Variants in MTHFD1L observed in about 807,000 individuals in gnomAD.
MTHFD1L encodes methylenetetrahydrofolate dehydrogenase (NADP+ dependent) 1 like.
A neutral mutation model predicts 119.5 loss-of-function variants in MTHFD1L; 81 were observed. The ratio of observed to expected loss-of-function variants is 0.68; its 90% CI spans 0.57 to 0.82. MTHFD1L has a LOEUF of 0.82. MTHFD1L is among the 40% of genes least tolerant of loss of function. The probability of loss-of-function intolerance (pLI) is 0.00; values close to 1 mark genes in which losing one functional copy is unlikely to be tolerated. For missense variants in MTHFD1L, 1,125 were observed against 1,253.4 expected (o/e 0.90, Z 1.55); for synonymous variants, 430 against 475.2 (o/e 0.90, Z 1.24).
At position 150,926,309 on chromosome 6, in the gene MTHFD1L, T is replaced by C. The variant is rs2128909368; in HGVS notation, c.1256+14T>C. The C allele has an allele frequency of 6.3e-7, 1 of 1,598,796 alleles. No homozygotes were observed. The highest frequency in any genetic ancestry group is 1.1e-5 in the South Asian group (1 of 90,074). On this transcript the variant is annotated intron_variant, in intron 11 of 27. Coordinates refer to ENST00000367321, the MANE Select transcript of MTHFD1L (RefSeq NM_015440.5). The surrounding 1 kb of genome is among the most constrained non-coding windows in gnomAD (Gnocchi z 4.3). ...CTTAGTTGCTGGGTAAGACACCATC[T>C]AACATCTACTTGATCAAGCAGACAT... is the stretch of plus-strand genomic sequence containing the variant.
chr6:150,904,012 T>G (rs1479404627), intron 7 of MTHFD1L, among the ~76,000 whole-genome samples: 1 of 152,244 alleles, frequency 6.6e-6, no homozygotes, highest in East Asian at 1.9e-4. Flanking sequence ...GTCCTTGATC[T>G]TGGCTTTTCT....
intron 17 of MTHFD1L, among the ~76,000 whole-genome samples, chr6:150,957,745 A>G (rs1795847427): frequency 6.6e-6 from 1 of 152,210 alleles, no homozygotes; most frequent in South Asian, 2.1e-4. Context: ...AAAGGTTGTA[A>G]AAACCATTTT....
intron 19 of MTHFD1L, among the ~76,000 whole-genome samples, chr6:150,970,207 A>T (rs778048410): frequency 1.3e-5 from 2 of 152,196 alleles, no homozygotes; most frequent in African/African-American, 2.4e-5. Flanking sequence ...GTTTAAGAAT[A>T]TTGATTGATT....
At chr6:151,038,862 C>T (rs1431021601) in intron 26 of MTHFD1L, among the ~76,000 whole-genome samples, 1 of 152,022 alleles carries the variant, frequency 6.6e-6, no homozygotes, top group East Asian at 1.9e-4. Flanking sequence ...TGCCATCGGT[C>T]ATGGAAAGGA....
In MTHFD1L at chr6:151,039,113, C is replaced by G. The variant is rs1786653123; in HGVS notation, c.2847+1996C>G. On this transcript the variant is annotated intron_variant, in intron 26 of 27. Transcript: ENST00000367321. The surrounding 1 kb of genome is among the most constrained non-coding windows in gnomAD (Gnocchi z 4.4). The stretch of plus-strand genomic sequence containing the variant: ...GAGAAGACAGTGAAGGAAGACACCC[C>G]TGAAACACCCACGTTAATGCAGCCG... Among the ~76,000 whole-genome samples, 1 of 152,154 alleles carries G rather than the reference C, an allele frequency of 6.6e-6. No homozygotes were observed.
chr6:151,052,600 A>G (rs1231772353), intron 26 of MTHFD1L, among the ~76,000 whole-genome samples: 1 of 152,190 alleles, frequency 6.6e-6, no homozygotes, highest in Non-Finnish European at 1.5e-5. Flanking sequence ...AGCGCCTTAG[A>G]GGCTGCCGCT....
At chr6:150,950,071 A>G (rs1794622876) in intron 16 of MTHFD1L, among the ~76,000 whole-genome samples, 2 of 152,142 alleles carry the variant, frequency 1.3e-5, no homozygotes, top group Non-Finnish European at 2.9e-5. Context: ...GCAGTTCCCG[A>G]CTAATAGATT....
intron 1 of MTHFD1L, among the ~76,000 whole-genome samples, chr6:150,866,838 C>G (rs1324719047): frequency 6.6e-6 from 1 of 152,170 alleles, no homozygotes; most frequent in Non-Finnish European, 1.5e-5. Context: ...TCCCCGCCCT[C>G]GCCCAGAGGG....
intron 7 of MTHFD1L, among the ~76,000 whole-genome samples, chr6:150,901,102 CTT>C (rs1316324586): frequency 2.0e-5 from 3 of 152,100 alleles, no homozygotes; most frequent in Admixed American, 1.3e-4. Flanking sequence ...ACATCTAACT[CTT>C]TATAGAAACT....
At chr6:150,905,581 A>T in intron 7 of MTHFD1L, 69 bp from the exon 8 acceptor site, 1 of 1,104,892 alleles carries the variant, frequency 9.1e-7, no homozygotes, top group Non-Finnish European at 1.4e-6. Flanking sequence ...AACTCATTTG[A>T]CATCAGTAGT....
In MTHFD1L at chr6:150,923,544, C is replaced by CTTT. The variant is rs61415562; in HGVS notation, c.1082+1260_1082+1262dup. On this transcript the variant is annotated intron_variant, in intron 10 of 27. Transcript: ENST00000367321. ...TTATTTATTTATTTATTTATTTTTT[C>CTTT]TTTTTTTTTTTTTTTTTTTTGAGAC... 4.8e-3 allele frequency among the ~76,000 whole-genome samples: 254 copies of CTTT among 53,236 alleles called. 8 individuals carry two copies. Among genetic ancestry groups the CTTT allele is most frequent in the African/African-American group, 0.015 (244 of 16,808 alleles). 34.9% of individuals were successfully genotyped at this position (53,236 alleles called of 152,430 possible).
chr6:151,081,161 A>G (rs1400129055), intron 26 of MTHFD1L, among the ~76,000 whole-genome samples: 1 of 152,222 alleles, frequency 6.6e-6, no homozygotes, highest in Non-Finnish European at 1.5e-5. Context: ...TTACAGAACA[A>G]TATAGGCCTC....
Position 150,959,883 on chromosome 6 carries a change from C to T in MTHFD1L, c.1804-392C>T, listed in dbSNP as rs116955186. Among the ~76,000 whole-genome samples the T allele has an allele frequency of 1.8e-4, 27 of 152,300 alleles. No individual in the cohort carries two copies. In the East Asian group the frequency reaches 4.8e-3, roughly 27 times the overall value. On this transcript the variant is annotated intron_variant, in intron 17 of 27. Coordinates refer to ENST00000367321, the MANE Select transcript of MTHFD1L (RefSeq NM_015440.5). ...TGAACCTGCCTAATATAGTCCCTGC[C>T]GTCATGGCACTTACGGTCCAGTGGT...
At chr6:151,019,769 A>T (rs558213718) in intron 24 of MTHFD1L, among the ~76,000 whole-genome samples, 1 of 152,312 alleles carries the variant, frequency 6.6e-6, no homozygotes, top group South Asian at 2.1e-4. Flanking sequence ...CACCAGCAAG[A>T]TTTAGATCAT....
chr6:150,894,898 A>C (rs1783962418), intron 7 of MTHFD1L, among the ~76,000 whole-genome samples: 1 of 152,208 alleles, frequency 6.6e-6, no homozygotes, highest in African/African-American at 2.4e-5. Context: ...TGTACGGTTG[A>C]AAATTGAGAA....
intron 8 of MTHFD1L, among the ~76,000 whole-genome samples, chr6:150,911,828 G>A (rs561705981): frequency 2.1e-4 from 32 of 152,142 alleles, no homozygotes; most frequent in African/African-American, 7.0e-4. Flanking sequence ...ATGCAAAAGC[G>A]GAAACCCCTG....
rs542666182 is a variant in MTHFD1L at position 150,874,942 on chromosome 6, G to T, written c.228-1148G>T. 2.0e-5 allele frequency among the ~76,000 whole-genome samples: 3 copies of T among 151,892 alleles called. No homozygotes were observed. The South Asian group carries it at 6.2e-4, about 32-fold the overall frequency. ...TTTTTGTATTTCTGGTAGAGACGGGGTTTCACCATATTGGCCACGGTGGTC... is the reference window on the plus strand; with the variant it reads ...TTTTTGTATTTCTGGTAGAGACGGGTTTTCACCATATTGGCCACGGTGGTC... On this transcript the variant is annotated intron_variant, in intron 1 of 27. Coordinates refer to ENST00000367321, the MANE Select transcript of MTHFD1L (RefSeq NM_015440.5).
intron 20 of MTHFD1L, among the ~76,000 whole-genome samples, chr6:150,994,727 G>T (rs1447081035): frequency 2.0e-5 from 3 of 152,168 alleles, no homozygotes; most frequent in Non-Finnish European, 4.4e-5. Flanking sequence ...TCAGGACTCA[G>T]TCTTACAGTG....
At chr6:150,994,724 T>G (rs561171660) in intron 20 of MTHFD1L, among the ~76,000 whole-genome samples, 16 of 152,212 alleles carry the variant, frequency 1.1e-4, no homozygotes, top group Non-Finnish European at 2.2e-4. Context: ...AAATCAGGAC[T>G]CAGTCTTACA....
Sources: allele counts gnomAD v4.1 joint callset (sites outside exome capture counted in the v4.1 genomes callset), GRCh38; gene constraint gnomAD v4.1.1; non-coding constraint Gnocchi (gnomAD v3.1); transcripts MANE v1.5; gene names NCBI Gene and HGNC (gene_info 2026-07-23, HGNC 2026-07-21).